Variants in PATJ observed in about 807,000 individuals in gnomAD.
PATJ encodes inaD-like protein.
Under a neutral mutation model 224.9 loss-of-function variants are expected in PATJ, and 190 were observed. That is an observed-to-expected ratio of 0.84 (90% confidence interval 0.75 to 0.95). PATJ has a LOEUF of 0.95. PATJ is among the 40% of genes least tolerant of loss of function. PATJ has a pLI of 0.00. For missense variants in PATJ, 2,121 were observed against 2,270.3 expected (o/e 0.93, Z 1.34); for synonymous variants, 769 against 820.3 (o/e 0.94, Z 1.07).
intron 14 of PATJ, 34 bp downstream of exon 14, chr1:61,808,564 A>T (rs745382746): frequency 7.0e-7 from 1 of 1,420,592 alleles, no homozygotes; most frequent in East Asian, 2.3e-5. Context: ...TAACAGTTTT[A>T]TTTTTTTTAA....
intron 1 of PATJ, among the ~76,000 whole-genome samples, chr1:61,746,364 C>T (rs1203782987): frequency 6.6e-6 from 1 of 152,210 alleles, no homozygotes; most frequent in Non-Finnish European, 1.5e-5. Flanking sequence ...AGGCGTGAGC[C>T]ACCCTTCTGG....
At chr1:61,907,255 C>T (rs968337214) in intron 24 of PATJ, among the ~76,000 whole-genome samples, 13 of 152,178 alleles carry the variant, frequency 8.5e-5, no homozygotes, top group African/African-American at 2.9e-4. Context: ...CAACAGGTAA[C>T]TGTGCCAAAC....
intron 27 of PATJ, among the ~76,000 whole-genome samples, chr1:61,939,711 G>A (rs1384774258): frequency 1.2e-5 from 1 of 86,906 alleles, no homozygotes; most frequent in South Asian, 3.8e-4. Context: ...TTGAGACGTT[G>A]TCGCCCATGC....
intron 41 of PATJ, among the ~76,000 whole-genome samples, chr1:62,142,073 G>A (rs924307585): frequency 5.3e-5 from 8 of 152,096 alleles, no homozygotes; most frequent in Non-Finnish European, 8.8e-5. Flanking sequence ...ATAAATGAGC[G>A]AGTAAAGGAA....
chr1:62,135,502 C>T (rs1326954342), intron 41 of PATJ, among the ~76,000 whole-genome samples: 2 of 112,128 alleles, frequency 1.8e-5, no homozygotes, highest in Non-Finnish European at 3.3e-5. Flanking sequence ...GGTGACAGAG[C>T]GAGACTCCGT....
At chr1:62,100,302 T>C in intron 33 of PATJ, 1 of 707,950 alleles carries the variant, frequency 1.4e-6, no homozygotes, top group Non-Finnish European at 2.6e-6. Flanking sequence ...AAAAAAAGAA[T>C]TGTATTTGGT....
At chr1:61,992,186 C>T (rs1419163142) in intron 28 of PATJ, among the ~76,000 whole-genome samples, 2 of 150,028 alleles carry the variant, frequency 1.3e-5, no homozygotes, top group Non-Finnish European at 2.9e-5. Context: ...AGCACGATCT[C>T]GGTTCACTGC....
chr1:61,861,210 TTTTGTGTTGTGTA>T (rs935684845), intron 18 of PATJ, among the ~76,000 whole-genome samples: 1 of 150,850 alleles, frequency 6.6e-6, no homozygotes, highest in Non-Finnish European at 1.5e-5. Flanking sequence ...TTTGAATAAA[TTTTGTGTTGTGTA>T]TTTGTCTTAA....
chr1:62,006,678 G>A lies in PATJ; in HGVS notation c.3868-11178G>A, dbSNP rs186937888. Among the ~76,000 whole-genome samples the A allele has an allele frequency of 1.0e-3, 155 of 152,280 alleles. 2 individuals are homozygous for A. The highest frequency in any genetic ancestry group is 3.5e-3 in the African/African-American group (145 of 41,544). ...CATCTCTGGTACATAAATATAAGAAGACTTACCTCATATCAGATTGTCTTC... is the reference window on the plus strand; with the variant it reads ...CATCTCTGGTACATAAATATAAGAAAACTTACCTCATATCAGATTGTCTTC... On this transcript the variant is annotated intron_variant, in intron 28 of 43. Transcript: ENST00000642238.
At chr1:62,068,972 C>A (rs146446874) in intron 31 of PATJ, among the ~76,000 whole-genome samples, 1 of 152,312 alleles carries the variant, frequency 6.6e-6, no homozygotes, top group African/African-American at 2.4e-5. Flanking sequence ...GCATTAAGAG[C>A]TCCTTTTGTG....
chr1:61,889,824 G>T (rs1669342765), intron 22 of PATJ, among the ~76,000 whole-genome samples: 1 of 152,210 alleles, frequency 6.6e-6, no homozygotes. Context: ...CATTACTGCA[G>T]TTGACCACAG....
At chr1:61,828,547 ACCCAG>A (rs1447976444) in intron 16 of PATJ, among the ~76,000 whole-genome samples, 3 of 151,654 alleles carry the variant, frequency 2.0e-5, no homozygotes, top group African/African-American at 7.3e-5. Context: ...ATGCCACCAC[ACCCAG>A]CTAACTAAAA....
chr1:61,885,788 C>T (rs2149083241), intron 22 of PATJ, among the ~76,000 whole-genome samples: 1 of 151,762 alleles, frequency 6.6e-6, no homozygotes, highest in South Asian at 2.1e-4. Context: ...AAATGTCCAA[C>T]AATGATAGAC....
chr1:61,987,376 T>TCTTGTTAA (rs1170904671), intron 27 of PATJ, among the ~76,000 whole-genome samples: 1 of 152,030 alleles, frequency 6.6e-6, no homozygotes, highest in African/African-American at 2.4e-5. Context: ...GAGTGTATTG[T>TCTTGTTAA]CTTGTTAAAG....
chr1:61,816,833 A>G (rs1375986102), intron 14 of PATJ, among the ~76,000 whole-genome samples: 1 of 152,170 alleles, frequency 6.6e-6, no homozygotes. Flanking sequence ...GTGGTTACCT[A>G]GTAGTGCAGG....
At chr1:61,890,081 G>A (rs1669387218) in intron 22 of PATJ, among the ~76,000 whole-genome samples, 1 of 152,138 alleles carries the variant, frequency 6.6e-6, no homozygotes, top group Non-Finnish European at 1.5e-5. Flanking sequence ...TATGAGTGAT[G>A]TTCATATCTT....
At chr1:62,035,914 T>C (rs1650292797) in intron 29 of PATJ, among the ~76,000 whole-genome samples, 1 of 151,908 alleles carries the variant, frequency 6.6e-6, no homozygotes, top group African/African-American at 2.4e-5. Flanking sequence ...TAGGAGTAAA[T>C]CAGCCAAAGT....
chr1:61,871,483 G>C (rs1000712399), intron 20 of PATJ, among the ~76,000 whole-genome samples: 2 of 100,070 alleles, frequency 2.0e-5, no homozygotes, highest in African/African-American at 7.8e-5. Flanking sequence ...ACATATATAT[G>C]TGTATATATG....
At chr1:62,010,517 T>A (rs1646385099) in intron 28 of PATJ, among the ~76,000 whole-genome samples, 1 of 145,656 alleles carries the variant, frequency 6.9e-6, no homozygotes, top group Admixed American at 6.8e-5. Context: ...CTCCCACATA[T>A]GAGTGAGAAC....
Sources: allele counts gnomAD v4.1 joint callset (sites outside exome capture counted in the v4.1 genomes callset), GRCh38; gene constraint gnomAD v4.1.1; transcripts MANE v1.5; gene names NCBI Gene and HGNC (gene_info 2026-07-23, HGNC 2026-07-21).